SNX30: variants seen among roughly 807,000 people sequenced by gnomAD.
SNX30 encodes the protein sorting nexin-30.
A neutral mutation model predicts 46.4 loss-of-function variants in SNX30; 24 were observed. That is an observed-to-expected ratio of 0.52 (90% CI 0.37 to 0.73). The LOEUF (loss-of-function observed/expected upper bound fraction) is 0.73, where lower values mean the gene tolerates loss of function less well. SNX30 is among the 30% of genes least tolerant of loss of function. The probability of loss-of-function intolerance (pLI) is 0.00; values close to 1 mark genes in which losing one functional copy is unlikely to be tolerated. For missense variants in SNX30, 533 were observed against 555.7 expected, an observed-to-expected ratio of 0.96 and a Z score of 0.41; for synonymous variants, 189 against 211.5, an observed-to-expected ratio of 0.89 and a Z score of 0.92.
In SNX30 at chr9:112,788,801, T is replaced by C. The variant is rs979197550; in HGVS notation, c.157-15975T>C. On this transcript the variant is annotated intron_variant, in intron 1 of 8. Coordinates refer to ENST00000374232, the MANE Select transcript of SNX30 (RefSeq NM_001012994.2). ...AAAGAGAGCAGGATTTCAGGATTTT[T>C]TGTTTCTTTCTTGAGGCAGTGTCTT... is the stretch of plus-strand genomic sequence containing the variant. Among the ~76,000 whole-genome samples, 25 of 152,094 alleles carry C rather than the reference T, an allele frequency of 1.6e-4. 1 individual carries two copies. The highest frequency in any genetic ancestry group is 7.4e-5 in the Non-Finnish European group (5 of 68,010).
chr9:112,810,820 G>C (rs1206890363), intron 2 of SNX30, among the ~76,000 whole-genome samples: 1 of 152,154 alleles, frequency 6.6e-6, no homozygotes, highest in Non-Finnish European at 1.5e-5. Context: ...CTGTGCGGGA[G>C]AGATACAGGA....
intron 1 of SNX30, among the ~76,000 whole-genome samples, chr9:112,798,076 T>C (rs1840139754): frequency 6.7e-6 from 1 of 150,286 alleles, no homozygotes; most frequent in Non-Finnish European, 1.5e-5. Flanking sequence ...AAACGGAGTA[T>C]GCTCACAGGG....
intron 1 of SNX30, among the ~76,000 whole-genome samples, chr9:112,769,289 CT>C (rs1839606712): frequency 6.6e-6 from 1 of 152,216 alleles, no homozygotes; most frequent in Non-Finnish European, 1.5e-5. Flanking sequence ...TCGTTTCTGT[CT>C]TTTGATCCTC....
At chr9:112,845,136 T>A (rs550606242) in intron 6 of SNX30, among the ~76,000 whole-genome samples, 6 of 152,162 alleles carry the variant, frequency 3.9e-5, no homozygotes, top group Non-Finnish European at 5.9e-5. Flanking sequence ...AGATTCCCAG[T>A]AATGGCAGAC....
intron 1 of SNX30, among the ~76,000 whole-genome samples, chr9:112,755,828 A>G (rs1367267815): frequency 6.6e-6 from 1 of 152,026 alleles, no homozygotes; most frequent in Non-Finnish European, 1.5e-5. Context: ...CATGCCAGTG[A>G]AGGGATATGT....
At chr9:112,829,883 A>T (rs1343222920) in intron 3 of SNX30, among the ~76,000 whole-genome samples, 1 of 151,992 alleles carries the variant, frequency 6.6e-6, no homozygotes, top group African/African-American at 2.4e-5. Context: ...AGCCATTTGG[A>T]TATCTTCTTT....
chr9:112,773,361 C>T (rs189280763), intron 1 of SNX30, among the ~76,000 whole-genome samples: 19 of 152,062 alleles, frequency 1.2e-4, no homozygotes, highest in African/African-American at 4.6e-4. Flanking sequence ...ATATGAACAA[C>T]ATACTTTATA....
chr9:112,776,026 G>C (rs1208608331), intron 1 of SNX30, among the ~76,000 whole-genome samples: 1 of 151,938 alleles, frequency 6.6e-6, no homozygotes, highest in Non-Finnish European at 1.5e-5. Flanking sequence ...TCTTCATGTA[G>C]TCTTCTACAT....
At chr9:112,878,163 T>C (rs1241823199), downstream of SNX30, 3 of 152,290 alleles carry the variant, frequency 2.0e-5, no homozygotes, top group East Asian at 3.8e-4. Context: ...TTAAGCACTC[T>C]GTGTTCCTGC....
At chr9:112,831,395 CTAAG>C (rs1284090418) in intron 4 of SNX30, among the ~76,000 whole-genome samples, 1 of 152,224 alleles carries the variant, frequency 6.6e-6, no homozygotes, top group Non-Finnish European at 1.5e-5. Context: ...AAAAGCAGAG[CTAAG>C]TGTTTCCTTA....
chr9:112,874,868 T>A lies in SNX30; in HGVS notation c.*6025T>A, dbSNP rs1326914990. 6.6e-6 allele frequency: 1 copy of A among 152,230 alleles called. No individual in the cohort carries two copies. 9.4% of individuals were successfully genotyped at this position (152,230 alleles called of 1,614,324 possible). ...TTGTTGTTTACTATGGAATTAGTAT[T>A]ACATTTTGAGGTAAACAAAAGAATT... On this transcript the variant is annotated 3_prime_UTR_variant, in exon 9 of 9. Transcript: ENST00000374232.
intron 6 of SNX30, among the ~76,000 whole-genome samples, chr9:112,842,736 ATTGT>A (rs1840879112): frequency 6.6e-6 from 1 of 152,246 alleles, no homozygotes; most frequent in Non-Finnish European, 1.5e-5. Context: ...TTTCAGGACA[ATTGT>A]GGCTAGGTAT....
At chr9:112,758,655 C>G (rs191405168) in intron 1 of SNX30, among the ~76,000 whole-genome samples, 1 of 152,262 alleles carries the variant, frequency 6.6e-6, no homozygotes, top group East Asian at 1.9e-4. Context: ...ATCAGCCTTT[C>G]AAAATGCTGA....
At chr9:112,844,755 C>G (rs918427517) in intron 6 of SNX30, among the ~76,000 whole-genome samples, 1 of 152,212 alleles carries the variant, frequency 6.6e-6, no homozygotes, top group Non-Finnish European at 1.5e-5. Flanking sequence ...GTTTTTCTTC[C>G]AGTTGGAGAT....
chr9:112,836,464 C>A, intron 5 of SNX30, 55 bp downstream of exon 5: 1 of 1,536,090 alleles, frequency 6.5e-7, no homozygotes, highest in Non-Finnish European at 8.9e-7. Flanking sequence ...GGCAGAAATG[C>A]CATTCATGTG....
intron 1 of SNX30, among the ~76,000 whole-genome samples, chr9:112,753,038 G>A (rs1410490902): frequency 6.6e-6 from 1 of 152,192 alleles, no homozygotes; most frequent in Admixed American, 6.5e-5. Context: ...GAAATGACAT[G>A]CCTCTGCTGT....
intron 1 of SNX30, among the ~76,000 whole-genome samples, chr9:112,787,800 CTT>C (rs796350806): frequency 1.4e-5 from 2 of 138,658 alleles, no homozygotes; most frequent in African/African-American, 2.6e-5. Context: ...GGCAAGGACG[CTT>C]TTTTTTTTTT....
chr9:112,796,136 A>C (rs917108954), intron 1 of SNX30, among the ~76,000 whole-genome samples: 5 of 152,218 alleles, frequency 3.3e-5, no homozygotes, highest in Admixed American at 2.6e-4. Context: ...GCTGAGATCA[A>C]ACCAGGCCAG....
chr9:112,879,666 A>G, downstream of SNX30: 3 of 1,135,420 alleles, frequency 2.6e-6, no homozygotes, highest in Non-Finnish European at 3.9e-6. Flanking sequence ...TTTCTTAAGC[A>G]GTGGGTTGCT....
Sources: allele counts gnomAD v4.1 joint callset (sites outside exome capture counted in the v4.1 genomes callset), GRCh38; gene constraint gnomAD v4.1.1; transcripts MANE v1.5; gene names NCBI Gene and HGNC (gene_info 2026-07-23, HGNC 2026-07-21).